The following CMTM3 variants were observed in gnomAD, a reference collection of about 807,000 sequenced individuals.
CMTM3 encodes the protein CKLF-like MARVEL transmembrane domain-containing protein 3.
In CMTM3, 7 loss-of-function variants were observed where a neutral mutation model predicts 18.2. That is an observed-to-expected ratio of 0.38 (90% CI 0.22 to 0.72). The LOEUF is 0.72. CMTM3 is among the 30% of genes least tolerant of loss of function. The pLI, the probability that CMTM3 is intolerant of heterozygous loss-of-function variation, is 0.46. For synonymous variants in CMTM3, 109 were observed against 111.2 expected (o/e 0.98, Z 0.12); for missense variants, 227 against 249.2 (o/e 0.91, Z 0.60).
rs1490784393 is a variant in CMTM3, at chr16:66,609,880, C to T, written c.400-3C>T. The T allele has an allele frequency of 1.9e-6, 3 of 1,614,084 alleles. No homozygotes were observed. The highest frequency in any genetic ancestry group is 1.3e-5 in the African/African-American group (1 of 74,944). ...TGATGCATCCCATCCACCCTGTCCA[C>T]AGGTGTTTGGCTTCTTTGCTACCAT... On this transcript the variant is annotated splice_polypyrimidine_tract_variant and splice_region_variant and intron_variant, in intron 3 of 4. Transcript: ENST00000567572. This position sits in a 1 kb window ranked among gnomAD's most constrained non-coding sequence, Gnocchi z 4.4.
In CMTM3 at chr16:66,608,532, G is replaced by A. The variant is rs2015249128; in HGVS notation, c.303+68G>A. 6.6e-6 allele frequency: 10 copies of A among 1,510,752 alleles called. No homozygotes were observed. Among genetic ancestry groups the A allele is most frequent in the South Asian group, 4.6e-5 (4 of 87,226 alleles). 93.6% of individuals were successfully genotyped at this position (1,510,752 alleles called of 1,614,324 possible). On this transcript the variant is annotated intron_variant, in intron 2 of 4. Transcript: ENST00000567572. The surrounding 1 kb of genome is among the most constrained non-coding windows in gnomAD (Gnocchi z 5.1). ...GTGGCCAGATGAGGAGTCCAGAGTCGTGCACTTGGGCCCTTATCCTTTCTC... is the reference window on the plus strand; with the variant it reads ...GTGGCCAGATGAGGAGTCCAGAGTCATGCACTTGGGCCCTTATCCTTTCTC...
In CMTM3 at chr16:66,608,848, A is replaced by C. The variant is rs1324517957; in HGVS notation, c.303+384A>C. Among the ~76,000 whole-genome samples the C allele has an allele frequency of 7.2e-5, 11 of 152,324 alleles. No individual in the cohort carries two copies. Among genetic ancestry groups the C allele is most frequent in the Non-Finnish European group, 1.6e-4 (11 of 68,022 alleles). Reference sequence around the variant, plus strand: ...CTTACCCAGACTTCAGCCATCGGCAACCCTGACCTCGTTTTATCACCTGTG... The same window carrying C: ...CTTACCCAGACTTCAGCCATCGGCACCCCTGACCTCGTTTTATCACCTGTG... On this transcript the variant is annotated intron_variant, in intron 2 of 4. Coordinates refer to ENST00000567572, the MANE Select transcript of CMTM3 (RefSeq NM_181553.4). The surrounding 1 kb of genome is among the most constrained non-coding windows in gnomAD (Gnocchi z 5.1).
At position 66,608,235 on chromosome 16, in the gene CMTM3, G is replaced by T; in HGVS notation, c.148-74G>T. 6.4e-7 allele frequency: 1 copy of T among 1,550,962 alleles called. No homozygotes were observed. On this transcript the variant is annotated intron_variant, in intron 1 of 4. Coordinates refer to ENST00000567572, the MANE Select transcript of CMTM3 (RefSeq NM_181553.4). This position sits in a 1 kb window ranked among gnomAD's most constrained non-coding sequence, Gnocchi z 5.1. ...TGGAACCTCCTCTATCCTGACCACA[G>T]GGCCTGGCTCAGAGGAGCACTGGAC... is the stretch of plus-strand genomic sequence containing the variant.
At chr16:66,607,869 GTCTC>G (rs538034633) in intron 1 of CMTM3, among the ~76,000 whole-genome samples, 1 of 150,958 alleles carries the variant, frequency 6.6e-6, no homozygotes, top group South Asian at 2.1e-4. Flanking sequence ...TGCGGACAGG[GTCTC>G]TCTCTCTCTC....
At chr16:66,604,403 G>C (rs1332068462), upstream of CMTM3, 1 of 161,808 alleles carries the variant, frequency 6.2e-6, no homozygotes, top group Non-Finnish European at 1.3e-5. Context: ...CTGGGTTCCC[G>C]GATCCCAGAC....
At chr16:66,606,291 A>G (rs1398453654) in intron 1 of CMTM3, among the ~76,000 whole-genome samples, 1 of 152,118 alleles carries the variant, frequency 6.6e-6, no homozygotes, top group African/African-American at 2.4e-5. Flanking sequence ...CGCGGGATGA[A>G]AAAACAGGAA....
Position 66,612,545 on chromosome 16 carries a change from A to G in CMTM3, c.521-64A>G. The G allele has an allele frequency of 1.3e-6, 2 of 1,559,640 alleles. No homozygotes were observed. The highest frequency in any genetic ancestry group is 1.1e-5 in the South Asian group (1 of 88,048). ...CAGCAACCCAGCTGTGCTTCCCCAG[A>G]GACCGTTCCCAGGCACCGCTGCCCT... On this transcript the variant is annotated intron_variant, in intron 4 of 4. Transcript: ENST00000567572. This position sits in a 1 kb window ranked among gnomAD's most constrained non-coding sequence, Gnocchi z 6.0.
chr16:66,609,602 G>T lies in CMTM3; in HGVS notation c.399+72G>T. On this transcript the variant is annotated intron_variant, in intron 3 of 4. Coordinates refer to ENST00000567572, the MANE Select transcript of CMTM3 (RefSeq NM_181553.4). The surrounding 1 kb of genome is among the most constrained non-coding windows in gnomAD (Gnocchi z 4.4). The stretch of plus-strand genomic sequence containing the variant: ...CCCCTCATTTAGGGTGGGACCTGGG[G>T]CAGAGCCTTTCCCTGCTGGGGCCCC... 1 of 1,524,060 alleles carries T rather than the reference G, an allele frequency of 6.6e-7. No individual in the cohort carries two copies. The highest frequency in any genetic ancestry group is 8.9e-7 in the Non-Finnish European group (1 of 1,124,856). The allele number at this position is 1,524,060 out of a possible 1,614,324, so 94.4% of individuals were successfully genotyped here. A position where few individuals can be genotyped will look rare whatever the true frequency, so the allele number is the denominator to read the frequency against.
In CMTM3 at chr16:66,610,051, C is replaced by T. The variant is rs2015318187; in HGVS notation, c.520+48C>T. ...CCAGCAGTGCTGCAACAGGGGCCTG[C>T]CCTCCCTCGGGGATGCCAGCTAGTT... On this transcript the variant is annotated intron_variant, in intron 4 of 4. Transcript: ENST00000567572. The surrounding 1 kb of genome is among the most constrained non-coding windows in gnomAD (Gnocchi z 4.6). 3 of 1,604,256 alleles carry T rather than the reference C, an allele frequency of 1.9e-6. No homozygotes were observed. The highest frequency in any genetic ancestry group is 2.6e-6 in the Non-Finnish European group (3 of 1,174,364).
At chr16:66,611,108 C>T (rs569270638) in intron 4 of CMTM3, 20 of 383,930 alleles carry the variant, frequency 5.2e-5, no homozygotes, top group East Asian at 5.2e-4. Context: ...GAGAGTTTCA[C>T]ATATGTAACA....
chr16:66,609,717 A>G lies in CMTM3; in HGVS notation c.400-166A>G, dbSNP rs1047407278. ...CGGGGTTTTGAAAGGCTGTTTGTCAAACCAAGTTCACAGCTCATTTTCCCA... is the reference window on the plus strand; with the variant it reads ...CGGGGTTTTGAAAGGCTGTTTGTCAGACCAAGTTCACAGCTCATTTTCCCA... On this transcript the variant is annotated intron_variant, in intron 3 of 4. Coordinates refer to ENST00000567572, the MANE Select transcript of CMTM3 (RefSeq NM_181553.4). The surrounding 1 kb of genome is among the most constrained non-coding windows in gnomAD (Gnocchi z 4.4). The G allele has an allele frequency of 7.7e-6, 12 of 1,554,218 alleles. No homozygotes were observed. The highest frequency in any genetic ancestry group is 1.4e-5 in the African/African-American group (1 of 73,348).
In CMTM3 at chr16:66,605,165, C is replaced by A; in HGVS notation, c.147+213C>A. On this transcript the variant is annotated intron_variant, in intron 1 of 4. Coordinates refer to ENST00000567572, the MANE Select transcript of CMTM3 (RefSeq NM_181553.4). The surrounding 1 kb of genome is among the most constrained non-coding windows in gnomAD (Gnocchi z 4.6). ...GGGCGGGGCCCGAGCCCAGGCCATCCGCGGCGCTGTCCCCGCGAGTCCAGA... is the reference window on the plus strand; with the variant it reads ...GGGCGGGGCCCGAGCCCAGGCCATCAGCGGCGCTGTCCCCGCGAGTCCAGA... 2.3e-6 allele frequency: 1 copy of A among 441,142 alleles called. No individual in the cohort carries two copies. The highest frequency in any genetic ancestry group is 3.9e-6 in the Non-Finnish European group (1 of 253,676). The allele number at this position is 441,142 out of a possible 1,614,324, so 27.3% of individuals were successfully genotyped here.
intron 1 of CMTM3, among the ~76,000 whole-genome samples, chr16:66,607,652 T>G (rs1330818865): frequency 2.0e-5 from 3 of 152,290 alleles, no homozygotes; most frequent in East Asian, 3.9e-4. Context: ...GTGTTACTTT[T>G]TGGAAACTGG....
In CMTM3 at chr16:66,608,504, A is replaced by T. The variant is rs773605753; in HGVS notation, c.303+40A>T. 6 of 1,607,020 alleles carry T rather than the reference A, an allele frequency of 3.7e-6. No homozygotes were observed. The highest frequency in any genetic ancestry group is 5.1e-6 in the Non-Finnish European group (6 of 1,177,468). On this transcript the variant is annotated intron_variant, in intron 2 of 4. Coordinates refer to ENST00000567572, the MANE Select transcript of CMTM3 (RefSeq NM_181553.4). The surrounding 1 kb of genome is among the most constrained non-coding windows in gnomAD (Gnocchi z 5.1). ...CCCAGGAGGGAGGGGTGCCCTGCAC[A>T]AAGTGGCCAGATGAGGAGTCCAGAG...
rs992316112 is a variant in CMTM3 at position 66,609,641 on chromosome 16, G to A, written c.399+111G>A. The A allele has an allele frequency of 1.8e-5, 28 of 1,516,050 alleles. No homozygotes were observed. Among genetic ancestry groups the A allele is most frequent in the Non-Finnish European group, 2.3e-5 (26 of 1,122,546 alleles). The allele number at this position is 1,516,050 out of a possible 1,614,324, so 93.9% of individuals were successfully genotyped here. A position where few individuals can be genotyped will look rare whatever the true frequency, so the allele number is the denominator to read the frequency against. On this transcript the variant is annotated intron_variant, in intron 3 of 4. Transcript: ENST00000567572. This position sits in a 1 kb window ranked among gnomAD's most constrained non-coding sequence, Gnocchi z 4.4. ...TGCTGGGGCCCCCCTGGGGTCTCAT[G>A]TGGGTCCCGATGATGATTCCAAAGT...
In CMTM3 at chr16:66,612,934, G is replaced by A. The variant is rs2015437388; in HGVS notation, c.*297G>A. ...CGTCTCTGCCAAAAACCAGCACAAG[G>A]AGACAAAGCAGAGCCTTGTCTGTAT... On this transcript the variant is annotated 3_prime_UTR_variant, in exon 5 of 5. Coordinates refer to ENST00000567572, the MANE Select transcript of CMTM3 (RefSeq NM_181553.4). The surrounding 1 kb of genome is among the most constrained non-coding windows in gnomAD (Gnocchi z 6.0). The A allele has an allele frequency of 6.3e-6, 4 of 637,850 alleles. No individual in the cohort carries two copies. Among genetic ancestry groups the A allele is most frequent in the Non-Finnish European group, 8.5e-6 (3 of 352,824 alleles). The allele number at this position is 637,850 out of a possible 1,614,324, so 39.5% of individuals were successfully genotyped here.
At position 66,609,709 on chromosome 16, in the gene CMTM3, G is replaced by A. The variant is rs2144748284; in HGVS notation, c.400-174G>A. On this transcript the variant is annotated intron_variant, in intron 3 of 4. Transcript: ENST00000567572. The surrounding 1 kb of genome is among the most constrained non-coding windows in gnomAD (Gnocchi z 4.4). ...ACTCTACCCGGGGTTTTGAAAGGCT[G>A]TTTGTCAAACCAAGTTCACAGCTCA... 1 of 1,550,728 alleles carries A rather than the reference G, an allele frequency of 6.4e-7. No homozygotes were observed. Among genetic ancestry groups the A allele is most frequent in the East Asian group, 2.4e-5 (1 of 41,088 alleles).
In CMTM3 at chr16:66,609,242, T is replaced by C. The variant is rs2015276511; in HGVS notation, c.304-193T>C. 1.7e-6 allele frequency: 1 copy of C among 598,114 alleles called. No individual in the cohort carries two copies. The highest frequency in any genetic ancestry group is 2.8e-5 in the East Asian group (1 of 36,190). The allele number at this position is 598,114 out of a possible 1,614,324, so 37.1% of individuals were successfully genotyped here. A position where few individuals can be genotyped will look rare whatever the true frequency, so the allele number is the denominator to read the frequency against. ...CCCCGCTGGACCCGGGATAGGGCAGTGTCAGCTGCTGGCAAGGCAGCAGAG... is the reference window on the plus strand; with the variant it reads ...CCCCGCTGGACCCGGGATAGGGCAGCGTCAGCTGCTGGCAAGGCAGCAGAG... On this transcript the variant is annotated intron_variant, in intron 2 of 4. Transcript: ENST00000567572. The surrounding 1 kb of genome is among the most constrained non-coding windows in gnomAD (Gnocchi z 4.4).
chr16:66,604,580 C>T (rs1240943477), upstream of CMTM3: 4 of 310,116 alleles, frequency 1.3e-5, no homozygotes, highest in East Asian at 1.5e-4. Context: ...GGCCCCAGGC[C>T]GGGGAGGGGG....
Sources: gnomAD v4.1 joint callset for allele counts (sites outside exome capture counted in the v4.1 genomes callset) on GRCh38, gnomAD v4.1.1 for gene constraint, Gnocchi (gnomAD v3.1) non-coding constraint, MANE v1.5 for transcripts, NCBI Gene and HGNC (gene_info 2026-07-23, HGNC 2026-07-21) for gene names.